Variants in ZC3H3 observed in about 807,000 individuals in gnomAD.
ZC3H3 encodes the protein zinc finger CCCH-type containing 3.
Under a neutral mutation model 77.3 loss-of-function variants are expected in ZC3H3, and 36 were observed. The observed-to-expected ratio is 0.47, with a 90% CI of 0.36 to 0.61. The LOEUF (loss-of-function observed/expected upper bound fraction) is 0.61, where lower values mean the gene tolerates loss of function less well. Ranked by LOEUF, ZC3H3 falls within the 20% of genes least tolerant of loss-of-function variation. The pLI is 0.00. For synonymous variants in ZC3H3, 626 were observed against 555.2 expected (o/e 1.13, Z -1.79); for missense variants, 1,331 against 1,312.2 (o/e 1.01, Z -0.22).
At chr8:143,518,753 C>T (rs1416929994) in intron 3 of ZC3H3, among the ~76,000 whole-genome samples, 4 of 152,232 alleles carry the variant, frequency 2.6e-5, no homozygotes, top group East Asian at 3.8e-4. Flanking sequence ...GACACTGGCC[C>T]GACCGCTTGT....
intron 3 of ZC3H3, among the ~76,000 whole-genome samples, chr8:143,516,043 T>G (rs758280585): frequency 2.0e-5 from 3 of 152,168 alleles, no homozygotes; most frequent in Non-Finnish European, 1.5e-5. Flanking sequence ...CCGCCCCTGC[T>G]GGCCCTCCCC....
At chr8:143,478,779 G>A (rs912474329) in intron 4 of ZC3H3, among the ~76,000 whole-genome samples, 5 of 152,214 alleles carry the variant, frequency 3.3e-5, no homozygotes, top group African/African-American at 1.2e-4. Context: ...CAAAGTGCCG[G>A]GATTACAGGC....
At chr8:143,489,991 A>C (rs1285595918) in intron 4 of ZC3H3, among the ~76,000 whole-genome samples, 1 of 152,144 alleles carries the variant, frequency 6.6e-6, no homozygotes, top group Non-Finnish European at 1.5e-5. Flanking sequence ...GGTCTCTGGA[A>C]CTGCAGCCCA....
chr8:143,465,572 G>A, intron 9 of ZC3H3, 145 bp downstream of exon 9: 23 of 1,289,048 alleles, frequency 1.8e-5, no homozygotes, highest in Non-Finnish European at 2.3e-5. Flanking sequence ...ACCTCTCTGA[G>A]TCACCTGTGA....
chr8:143,504,921 G>A (rs1444324396), intron 4 of ZC3H3, among the ~76,000 whole-genome samples: 1 of 152,220 alleles, frequency 6.6e-6, no homozygotes, highest in Non-Finnish European at 1.5e-5. Context: ...GGAACTCGCG[G>A]GTTTGCTTCA....
intron 3 of ZC3H3, among the ~76,000 whole-genome samples, chr8:143,517,174 G>A (rs994148943): frequency 6.6e-6 from 1 of 152,192 alleles, no homozygotes. Flanking sequence ...GCCATCGATC[G>A]CACGCCGACA....
At chr8:143,508,532 C>T (rs761783210) in intron 3 of ZC3H3, among the ~76,000 whole-genome samples, 2 of 152,212 alleles carry the variant, frequency 1.3e-5, no homozygotes, top group South Asian at 2.1e-4. Context: ...ATCTTTTGCC[C>T]GAGTTCCCTT....
At chr8:143,456,836 A>C (rs627959) in intron 9 of ZC3H3, among the ~76,000 whole-genome samples, 151,683 of 152,290 alleles carry the variant, frequency 1, 75,540 homozygotes, top group East Asian at 1. Flanking sequence ...CCGCTGAGCT[A>C]CAGCCTGGGC....
intron 4 of ZC3H3, among the ~76,000 whole-genome samples, chr8:143,477,246 C>T (rs373650211): frequency 1.1e-4 from 16 of 152,338 alleles, no homozygotes; most frequent in Admixed American, 2.6e-4. Context: ...AGTACAAGCA[C>T]GGCGGCTGGA....
intron 1 of ZC3H3, among the ~76,000 whole-genome samples, chr8:143,540,799 T>TA (rs1822986073): frequency 6.6e-6 from 1 of 151,958 alleles, no homozygotes; most frequent in Non-Finnish European, 1.5e-5. Context: ...CTACTCAAAA[T>TA]ACAAAAATTA....
At chr8:143,470,684 G>A (rs1035829720) in intron 5 of ZC3H3, among the ~76,000 whole-genome samples, 21 of 152,366 alleles carry the variant, frequency 1.4e-4, no homozygotes, top group African/African-American at 4.8e-4. Context: ...TGCAGCAGGA[G>A]GGGTTACCTC....
chr8:143,497,978 C>A (rs529454841), intron 4 of ZC3H3, among the ~76,000 whole-genome samples: 2 of 152,224 alleles, frequency 1.3e-5, no homozygotes, highest in Admixed American at 6.5e-5. Flanking sequence ...AAAGCCTGTC[C>A]CTAAGTCCCC....
rs554646607 is a variant in ZC3H3 at position 143,539,078 on chromosome 8, C to T, written c.289G>A (p.Gly97Arg). 28 of 1,612,972 alleles carry T rather than the reference C, an allele frequency of 1.7e-5. No individual in the cohort carries two copies. Among genetic ancestry groups the T allele is most frequent in the South Asian group, 1.4e-4 (13 of 91,076 alleles). ...ACAGGAGGCTGGCCCCCCCGGGCCC[C>T]GTGCAACGGCCGCACAGCATGGTCG... ...PADHAVRPLH[G>R]ARGGQPPVPQ... The change falls in exon 2 of 12, where the codon GGG (glycine) becomes AGG (arginine). Residue 97 changes from glycine (G) to arginine (R), a missense_variant. Gly to Arg is a moderately radical substitution (Grantham distance 125). Around this residue, in one of 3 missense-constraint regions of ZC3H3, gnomAD observed 978 missense variants for 915.5 expected, o/e 1.07. Transcript: ENST00000262577.
intron 9 of ZC3H3, among the ~76,000 whole-genome samples, chr8:143,442,155 C>A (rs576683447): frequency 2.2e-4 from 33 of 152,158 alleles, no homozygotes; most frequent in African/African-American, 7.9e-4. Flanking sequence ...CTGCTCAGAA[C>A]CGGGCCCTAC....
intron 9 of ZC3H3, among the ~76,000 whole-genome samples, chr8:143,463,804 T>A (rs936091881): frequency 4.6e-5 from 7 of 152,158 alleles, no homozygotes; most frequent in African/African-American, 1.7e-4. Context: ...CAGTCTGAAG[T>A]CATCCCCGTC....
At chr8:143,482,809 C>T (rs577185450) in intron 4 of ZC3H3, among the ~76,000 whole-genome samples, 17 of 152,266 alleles carry the variant, frequency 1.1e-4, no homozygotes, top group African/African-American at 3.8e-4. Flanking sequence ...GAAAGACCCT[C>T]GGGGGCATAA....
intron 4 of ZC3H3, among the ~76,000 whole-genome samples, chr8:143,485,703 G>A (rs1023839009): frequency 3.9e-5 from 6 of 152,230 alleles, no homozygotes; most frequent in Admixed American, 6.5e-5. Flanking sequence ...CAGGTCCCTC[G>A]CTGTAAGCAG....
intron 4 of ZC3H3, among the ~76,000 whole-genome samples, chr8:143,495,925 C>T (rs1301973183): frequency 6.6e-6 from 1 of 152,160 alleles, no homozygotes; most frequent in East Asian, 1.9e-4. Context: ...AACTCACAGA[C>T]TGTTAGATTT....
chr8:143,486,407 G>C (rs759234209), intron 4 of ZC3H3, among the ~76,000 whole-genome samples: 2 of 152,196 alleles, frequency 1.3e-5, no homozygotes, highest in Non-Finnish European at 2.9e-5. Context: ...GGCTTGTACT[G>C]TCCTCCCGTG....
Sources: allele counts gnomAD v4.1 joint callset (sites outside exome capture counted in the v4.1 genomes callset), GRCh38; gene constraint gnomAD v4.1.1; regional missense constraint gnomAD v4.1.1; transcripts MANE v1.5; gene names NCBI Gene and HGNC (gene_info 2026-07-23, HGNC 2026-07-21).